The following MALRD1 variants were observed in gnomAD, a reference collection of about 807,000 sequenced individuals.
MALRD1 encodes MAM and LDL receptor class A domain containing 1.
Under a neutral mutation model 242.1 loss-of-function variants are expected in MALRD1, and 247 were observed. The observed-to-expected ratio is 1.02, with a 90% CI of 0.92 to 1.13. The LOEUF (loss-of-function observed/expected upper bound fraction) is 1.13, where lower values mean the gene tolerates loss of function less well. Among genes scored for constraint, MALRD1 ranks in the 50% most tolerant of loss-of-function variants. The probability of loss-of-function intolerance (pLI) is 0.00; values close to 1 mark genes in which losing one functional copy is unlikely to be tolerated. For synonymous variants in MALRD1, 995 were observed against 866.6 expected (o/e 1.15, Z -2.60); for missense variants, 2,989 against 2,533.1 (o/e 1.18, Z -3.86).
intron 29 of MALRD1, among the ~76,000 whole-genome samples, chr10:19,473,952 G>A (rs1215635410): frequency 6.6e-6 from 1 of 151,974 alleles, no homozygotes; most frequent in Non-Finnish European, 1.5e-5. Flanking sequence ...GTACACGAGG[G>A]TTCCATTTTC....
intron 1 of MALRD1, among the ~76,000 whole-genome samples, chr10:19,051,160 T>A (rs1834482095): frequency 6.6e-6 from 1 of 152,176 alleles, no homozygotes; most frequent in Admixed American, 6.5e-5. Context: ...CTTTTGTATA[T>A]CACACTGGAA....
intron 38 of MALRD1, among the ~76,000 whole-genome samples, chr10:19,714,278 T>C (rs1834275695): frequency 6.6e-6 from 1 of 152,160 alleles, no homozygotes; most frequent in Non-Finnish European, 1.5e-5. Flanking sequence ...AGGGAATGGA[T>C]TGGGAAAGTG....
At chr10:19,301,348 TC>T (rs1841943188) in intron 21 of MALRD1, among the ~76,000 whole-genome samples, 2 of 151,788 alleles carry the variant, frequency 1.3e-5, no homozygotes, top group Non-Finnish European at 2.9e-5. Context: ...AATCCAGCAA[TC>T]CCATTATTGA....
chr10:19,245,319 G>A (rs1050169710), intron 18 of MALRD1, among the ~76,000 whole-genome samples: 2 of 152,080 alleles, frequency 1.3e-5, no homozygotes, highest in African/African-American at 4.8e-5. Context: ...TGATTTTTTT[G>A]TGTAGTCTTT....
At chr10:19,080,974 C>T (rs989853241) in intron 2 of MALRD1, among the ~76,000 whole-genome samples, 1 of 151,926 alleles carries the variant, frequency 6.6e-6, no homozygotes, top group Non-Finnish European at 1.5e-5. Flanking sequence ...AGACACTTCT[C>T]AAAGAAAACA....
At chr10:19,332,731 T>C (rs1564570048) in intron 24 of MALRD1, among the ~76,000 whole-genome samples, 1 of 152,196 alleles carries the variant, frequency 6.6e-6, no homozygotes, top group African/African-American at 2.4e-5. Context: ...TTATTAATCT[T>C]CATTTGAACT....
At chr10:19,598,590 C>G (rs1838216998) in intron 34 of MALRD1, 1 of 151,830 alleles carries the variant, frequency 6.6e-6, no homozygotes, top group Non-Finnish European at 1.5e-5. Flanking sequence ...GAAGATGTGG[C>G]TTCAGTTTTA....
intron 36 of MALRD1, among the ~76,000 whole-genome samples, chr10:19,655,377 A>G (rs1284007567): frequency 6.6e-6 from 1 of 151,724 alleles, no homozygotes; most frequent in African/African-American, 2.4e-5. Flanking sequence ...CAATTTCTCC[A>G]TATGATTTGG....
intron 26 of MALRD1, among the ~76,000 whole-genome samples, chr10:19,374,395 A>G (rs1217177544): frequency 6.6e-6 from 1 of 152,216 alleles, no homozygotes; most frequent in East Asian, 1.9e-4. Context: ...TTCACATTAA[A>G]AATCTGATGG....
intron 36 of MALRD1, among the ~76,000 whole-genome samples, chr10:19,643,376 G>T (rs142773691): frequency 1.3e-5 from 2 of 152,112 alleles, no homozygotes; most frequent in African/African-American, 4.8e-5. Context: ...AACCTGGGAG[G>T]CGGAGGTTTC....
At chr10:19,183,996 G>T (rs1835632829) in intron 14 of MALRD1, among the ~76,000 whole-genome samples, 1 of 152,128 alleles carries the variant, frequency 6.6e-6, no homozygotes, top group African/African-American at 2.4e-5. Context: ...CTGAAGGGCT[G>T]AAAAACCTAC....
At position 19,435,630 on chromosome 10, in the gene MALRD1, A is replaced by G. The variant is rs191130977; in HGVS notation, c.4846-14677A>G. Among the ~76,000 whole-genome samples the G allele has an allele frequency of 7.2e-5, 11 of 152,284 alleles. No homozygotes were observed. In the East Asian group the frequency reaches 2.1e-3, roughly 29 times the overall value. On this transcript the variant is annotated intron_variant, in intron 28 of 39. Transcript: ENST00000454679. ...ATAAGACCACAGAAGTCCCATTGTT[A>G]TCACATCATGTCAAGAGTCCGTAGT...
At chr10:19,101,659 G>C (rs1425968657) in intron 4 of MALRD1, among the ~76,000 whole-genome samples, 2 of 131,580 alleles carry the variant, frequency 1.5e-5, no homozygotes, top group African/African-American at 5.6e-5. Flanking sequence ...TATACTATAG[G>C]TACATCTATG....
chr10:19,192,588 C>T (rs1386140521), intron 14 of MALRD1, among the ~76,000 whole-genome samples: 1 of 152,084 alleles, frequency 6.6e-6, no homozygotes, highest in Non-Finnish European at 1.5e-5. Context: ...GAAGATTTCC[C>T]CCCACAGCCT....
At chr10:19,518,206 A>G (rs547784660) in intron 31 of MALRD1, among the ~76,000 whole-genome samples, 2 of 152,220 alleles carry the variant, frequency 1.3e-5, no homozygotes, top group African/African-American at 4.8e-5. Flanking sequence ...GTTTGTGTAC[A>G]TACTAAGTTA....
intron 18 of MALRD1, among the ~76,000 whole-genome samples, chr10:19,245,126 T>A (rs1039730133): frequency 6.6e-6 from 1 of 152,214 alleles, no homozygotes; most frequent in Non-Finnish European, 1.5e-5. Flanking sequence ...GAATTAATTT[T>A]GTTTCAATGT....
At chr10:19,099,757 A>AT (rs891099659) in intron 4 of MALRD1, among the ~76,000 whole-genome samples, 5 of 98,176 alleles carry the variant, frequency 5.1e-5, no homozygotes, top group African/African-American at 2.0e-4. Flanking sequence ...ACCTATATAT[A>AT]TATATATTTT....
At chr10:19,100,058 T>C (rs543236495) in intron 4 of MALRD1, among the ~76,000 whole-genome samples, 9 of 152,204 alleles carry the variant, frequency 5.9e-5, no homozygotes, top group Admixed American at 3.9e-4. Context: ...ACCATAATAA[T>C]AAATTTTTTT....
intron 10 of MALRD1, among the ~76,000 whole-genome samples, chr10:19,139,097 T>A (rs758640155): frequency 1.2e-4 from 19 of 152,264 alleles, no homozygotes; most frequent in African/African-American, 4.8e-5. Flanking sequence ...ATACAGTATA[T>A]ATGTGTATTC....
Sources: gnomAD v4.1 joint callset for allele counts (sites outside exome capture counted in the v4.1 genomes callset) on GRCh38, gnomAD v4.1.1 for gene constraint, MANE v1.5 for transcripts, NCBI Gene and HGNC (gene_info 2026-07-23, HGNC 2026-07-21) for gene names.